Variants in CHLSN observed in about 807,000 individuals in gnomAD.
CHLSN encodes cholesin.
At chr7:1,136,607 T>TATAAACATATATAA in the CHLSN span, among the ~76,000 whole-genome samples, 1 of 136,846 alleles carries the variant, frequency 7.3e-6, no homozygotes, top group Non-Finnish European at 1.6e-5. Context: ...CATATATAAA[T>TATAAACATATATAA]ATATATAAAT....
the CHLSN span, among the ~76,000 whole-genome samples, chr7:1,072,480 C>T: frequency 2.3e-4 from 35 of 152,284 alleles, 1 homozygote; most frequent in South Asian, 4.1e-4. Flanking sequence ...TCTGCTTCTG[C>T]GCTTAGGCAT....
the CHLSN span, among the ~76,000 whole-genome samples, chr7:1,012,052 G>T: frequency 6.6e-6 from 1 of 152,184 alleles, no homozygotes; most frequent in Non-Finnish European, 1.5e-5. Context: ...GCCCACAGCC[G>T]CCCACAGCCG....
the CHLSN span, among the ~76,000 whole-genome samples, chr7:1,010,938 C>T: frequency 6.6e-6 from 1 of 150,978 alleles, no homozygotes; most frequent in Non-Finnish European, 1.5e-5. Flanking sequence ...TGGGAATCAA[C>T]CAGGCAGCGC....
At chr7:1,016,833 CAGCGCACGCCAGCACACAGCAGCACA>C in the CHLSN span, among the ~76,000 whole-genome samples, 114 of 132,442 alleles carry the variant, frequency 8.6e-4, 15 homozygotes, top group East Asian at 1.7e-3. Context: ...CAGCGCACAG[CAGCGCACGCCAGCACACAGCAGCACA>C]CAGCACACAG....
At chr7:1,077,540 T>C in the CHLSN span, among the ~76,000 whole-genome samples, 2 of 152,246 alleles carry the variant, frequency 1.3e-5, no homozygotes, top group Admixed American at 6.5e-5. Context: ...AGGTCCTATT[T>C]GAAGTTGCTC....
chr7:1,057,493 G>A, the CHLSN span: 1 of 748,052 alleles, frequency 1.3e-6, no homozygotes, highest in Non-Finnish European at 2.5e-6. Flanking sequence ...TTTCCGCAGG[G>A]TCGCGGAGCC....
At chr7:1,012,150 C>T in the CHLSN span, among the ~76,000 whole-genome samples, 34 of 152,270 alleles carry the variant, frequency 2.2e-4, no homozygotes, top group Admixed American at 1.4e-3. Context: ...ATGGGCCACG[C>T]AGTCCACGGC....
the CHLSN span, among the ~76,000 whole-genome samples, chr7:1,103,546 T>C: frequency 0.11 from 16,448 of 152,260 alleles, 1,130 homozygotes; most frequent in Non-Finnish European, 0.15. Flanking sequence ...TCAGGAGACA[T>C]TGGCTGATGA....
the CHLSN span, among the ~76,000 whole-genome samples, chr7:1,106,069 G>C: frequency 7.2e-5 from 11 of 152,094 alleles, no homozygotes; most frequent in Non-Finnish European, 1.6e-4. Context: ...GTTTATTTAG[G>C]AAACGAACGG....
chr7:1,024,702 G>C, the CHLSN span: 1 of 152,162 alleles, frequency 6.6e-6, no homozygotes, highest in African/African-American at 2.4e-5. Flanking sequence ...GAGCCAGACA[G>C]CGCTGCTGGC....
chr7:1,115,337 C>T, the CHLSN span, among the ~76,000 whole-genome samples: 2 of 152,364 alleles, frequency 1.3e-5, no homozygotes, highest in East Asian at 3.9e-4. Context: ...AAACGCCCCA[C>T]CACAGACCCA....
At chr7:1,112,803 A>G in the CHLSN span, among the ~76,000 whole-genome samples, 79 of 152,116 alleles carry the variant, frequency 5.2e-4, 1 homozygote, top group African/African-American at 1.9e-3. Context: ...GCAAAACGGC[A>G]CGGCCACTCT....
the CHLSN span, chr7:984,311 CCT>C: frequency 6.9e-7 from 1 of 1,444,028 alleles, no homozygotes; most frequent in Non-Finnish European, 9.1e-7. Flanking sequence ...CCCCATTTTC[CCT>C]CTGTCCCCAC....
chr7:1,032,033 T>C, the CHLSN span, among the ~76,000 whole-genome samples: 2 of 151,660 alleles, frequency 1.3e-5, no homozygotes, highest in Admixed American at 6.6e-5. Flanking sequence ...CCCAAGACCA[T>C]GTGGAACATT....
the CHLSN span, among the ~76,000 whole-genome samples, chr7:1,094,774 C>T: frequency 1.3e-5 from 2 of 152,188 alleles, no homozygotes; most frequent in Non-Finnish European, 2.9e-5. Flanking sequence ...AGCTGTGTGT[C>T]GGTGGGTGTG....
chr7:1,094,871 G>A, the CHLSN span, among the ~76,000 whole-genome samples: 11 of 152,300 alleles, frequency 7.2e-5, no homozygotes, highest in East Asian at 2.1e-3. Flanking sequence ...ACAGAGCGCT[G>A]CCCAGACCGT....
the CHLSN span, among the ~76,000 whole-genome samples, chr7:1,060,626 C>G: frequency 6.6e-6 from 1 of 152,210 alleles, no homozygotes; most frequent in Non-Finnish European, 1.5e-5. Context: ...GAGTCGGCCT[C>G]GTGAGGACGC....
At chr7:1,091,144 G>A in the CHLSN span, among the ~76,000 whole-genome samples, 3 of 152,232 alleles carry the variant, frequency 2.0e-5, no homozygotes, top group African/African-American at 7.2e-5. Context: ...ACCCCTGCCT[G>A]TGGGAGTGAC....
the CHLSN span, among the ~76,000 whole-genome samples, chr7:1,046,971 GC>G: frequency 6.6e-6 from 1 of 152,232 alleles, no homozygotes; most frequent in Non-Finnish European, 1.5e-5. Context: ...CGACTGAGGA[GC>G]CCCGGCAGGT....
Sources: allele counts gnomAD v4.1 joint callset (sites outside exome capture counted in the v4.1 genomes callset), GRCh38; gene constraint gnomAD v4.1.1; transcripts MANE v1.5; gene names NCBI Gene and HGNC (gene_info 2026-07-23, HGNC 2026-07-21).